TPCN1: variants seen among roughly 807,000 people sequenced by gnomAD.
TPCN1 encodes two pore channel protein 1.
A neutral mutation model predicts 108.8 loss-of-function variants in TPCN1; 52 were observed. That is an observed-to-expected ratio of 0.48 (90% CI 0.38 to 0.60). The LOEUF is 0.60. Among genes scored for constraint, TPCN1 ranks in the 20% least tolerant of loss-of-function variants. The pLI is 0.00. For missense variants in TPCN1, 806 were observed against 1,072.8 expected (o/e 0.75, Z 3.47); for synonymous variants, 446 against 433.7 (o/e 1.03, Z -0.35).
chr12:113,272,618 G>A lies in TPCN1; in HGVS notation c.749-40G>A. 6.2e-7 allele frequency: 1 copy of A among 1,600,994 alleles called. No individual in the cohort carries two copies. On this transcript the variant is annotated intron_variant, in intron 7 of 27. Coordinates refer to ENST00000335509, the MANE Select transcript of TPCN1 (RefSeq NM_017901.6). This position sits in a 1 kb window ranked among gnomAD's most constrained non-coding sequence, Gnocchi z 4.1. ...TTTGACACCAGGTTTTGGGACCTCT[G>A]CTCTAATCCTTTTGTTTATCTGTTT... is the stretch of plus-strand genomic sequence containing the variant.
chr12:113,266,056 C>T lies in TPCN1; in HGVS notation c.238-124C>T. 3 of 1,037,656 alleles carry T rather than the reference C, an allele frequency of 2.9e-6. No individual in the cohort carries two copies. Among genetic ancestry groups the T allele is most frequent in the Non-Finnish European group, 4.3e-6 (3 of 704,298 alleles). The allele number at this position is 1,037,656 out of a possible 1,614,324, so 64.3% of individuals were successfully genotyped here. Reference sequence around the variant, plus strand: ...GATCATTTTGATTTTCCAGCATCTTCTGTCTCTGGCCTGAATCTCTCCTCG... The same window carrying T: ...GATCATTTTGATTTTCCAGCATCTTTTGTCTCTGGCCTGAATCTCTCCTCG... On this transcript the variant is annotated intron_variant, in intron 3 of 27. Coordinates refer to ENST00000335509, the MANE Select transcript of TPCN1 (RefSeq NM_017901.6). This position sits in a 1 kb window ranked among gnomAD's most constrained non-coding sequence, Gnocchi z 4.2.
chr12:113,260,714 C>T (rs1269438927), intron 3 of TPCN1, among the ~76,000 whole-genome samples: 1 of 152,150 alleles, frequency 6.6e-6, no homozygotes, highest in Non-Finnish European at 1.5e-5. Flanking sequence ...AGGGCTGTGC[C>T]AACCCCCACA....
At chr12:113,238,518 C>T (rs1163046415) in intron 2 of TPCN1, among the ~76,000 whole-genome samples, 1 of 152,182 alleles carries the variant, frequency 6.6e-6, no homozygotes, top group African/African-American at 2.4e-5. Flanking sequence ...CAGAGCCATT[C>T]TTGCTATCTC....
chr12:113,296,154 G>A lies in TPCN1; in HGVS notation c.*78G>A. ...ACTGCGATGTACGGAACTGCGGTGT[G>A]TGTACACATACTCACGTATATGCAC... On this transcript the variant is annotated 3_prime_UTR_variant, in exon 28 of 28. Coordinates refer to ENST00000335509, the MANE Select transcript of TPCN1 (RefSeq NM_017901.6). The A allele has an allele frequency of 3.2e-6, 5 of 1,556,866 alleles. 1 individual carries two copies. In the South Asian group the frequency reaches 5.8e-5, roughly 18 times the overall value.
intron 22 of TPCN1, 84 bp downstream of exon 22, chr12:113,290,327 T>A: frequency 1.0e-6 from 1 of 986,264 alleles, no homozygotes; most frequent in Non-Finnish European, 1.5e-6. Context: ...AGAGGTGGTG[T>A]AGCAAGTGTC....
chr12:113,256,178 C>T (rs1954824331), intron 2 of TPCN1, among the ~76,000 whole-genome samples: 1 of 151,890 alleles, frequency 6.6e-6, no homozygotes, highest in African/African-American at 2.4e-5. Flanking sequence ...TCACTATATT[C>T]CCCAGGCTAG....
intron 2 of TPCN1, among the ~76,000 whole-genome samples, chr12:113,234,009 T>C (rs1028707114): frequency 2.0e-5 from 3 of 152,226 alleles, no homozygotes; most frequent in Non-Finnish European, 2.9e-5. Context: ...TTTCTATCTT[T>C]ATCCTTTTTT....
intron 15 of TPCN1, among the ~76,000 whole-genome samples, chr12:113,281,265 C>T (rs1382738842): frequency 6.6e-6 from 1 of 152,080 alleles, no homozygotes; most frequent in Non-Finnish European, 1.5e-5. Context: ...GTCTCGAACT[C>T]CTGACCTCAG....
rs79128968 is a variant in TPCN1 at position 113,243,902 on chromosome 12, G to A, written c.113-16466G>A. 8.5e-5 allele frequency among the ~76,000 whole-genome samples: 13 copies of A among 152,274 alleles called. No homozygotes were observed. The East Asian group carries it at 1.5e-3, about 18-fold the overall frequency. ...ATCTCAGGCTGCAGTCACTGCCCCC[G>A]ATGATTTTGATGTGCTCATTTCCCA... is the stretch of plus-strand genomic sequence containing the variant. On this transcript the variant is annotated intron_variant, in intron 2 of 27. Coordinates refer to ENST00000335509, the MANE Select transcript of TPCN1 (RefSeq NM_017901.6).
rs189695014 is a variant in TPCN1 at position 113,259,802 on chromosome 12, G to T, written c.113-566G>T. ...GGAGTTGGCCAGAGCCAAACAATGT[G>T]GACAGAGAGCAAGGAGGGGATGTTC... is the stretch of plus-strand genomic sequence containing the variant. On this transcript the variant is annotated intron_variant, in intron 2 of 27. Coordinates refer to ENST00000335509, the MANE Select transcript of TPCN1 (RefSeq NM_017901.6). 3.9e-5 allele frequency among the ~76,000 whole-genome samples: 6 copies of T among 152,336 alleles called. No homozygotes were observed. In the East Asian group the frequency reaches 9.6e-4, roughly 24 times the overall value.
At chr12:113,270,511 C>T (rs1264453341) in intron 7 of TPCN1, among the ~76,000 whole-genome samples, 4 of 150,632 alleles carry the variant, frequency 2.7e-5, no homozygotes, top group Non-Finnish European at 3.0e-5. Flanking sequence ...GACGGAGTCT[C>T]ACCCTGTCAC....
In TPCN1 at chr12:113,280,152, T is replaced by C; in HGVS notation, c.1299T>C (p.Gly433=). Residue 433 remains glycine (G), a splice_region_variant and synonymous_variant, in exon 15 of 28, where the codon GGT becomes GGC. Coordinates refer to ENST00000335509, the MANE Select transcript of TPCN1 (RefSeq NM_017901.6). Reference sequence around the variant, plus strand: ...TTAACTTGTCTTTTCTTCAAATAGGTATTAATATCCTTGTGAAGTCCAAGG... The same window carrying C: ...TTAACTTGTCTTTTCTTCAAATAGGCATTAATATCCTTGTGAAGTCCAAGG... The part of the protein sequence containing the change: ...LPRTALLIFK[G]INILVKSKAF... 1 of 1,604,698 alleles carries C rather than the reference T, an allele frequency of 6.2e-7. No homozygotes were observed. Among genetic ancestry groups the C allele is most frequent in the Non-Finnish European group, 8.5e-7 (1 of 1,171,912 alleles).
chr12:113,278,277 A>T, intron 13 of TPCN1, 40 bp downstream of exon 13: 1 of 1,593,420 alleles, frequency 6.3e-7, no homozygotes, highest in Non-Finnish European at 8.6e-7. Context: ...GTAGACAGAG[A>T]GGTCCCCACG....
intron 3 of TPCN1, among the ~76,000 whole-genome samples, chr12:113,264,199 A>G (rs1955156446): frequency 6.6e-6 from 1 of 152,214 alleles, no homozygotes; most frequent in Non-Finnish European, 1.5e-5. Flanking sequence ...ACTGTGTTCA[A>G]CTTACCTTCT....
intron 2 of TPCN1, among the ~76,000 whole-genome samples, chr12:113,258,624 T>C (rs1954907913): frequency 6.6e-6 from 1 of 151,988 alleles, no homozygotes; most frequent in South Asian, 2.1e-4. Flanking sequence ...TCTATAAAAA[T>C]ACAAAAATTA....
At chr12:113,241,853 TCTAA>T (rs1954150192) in intron 2 of TPCN1, among the ~76,000 whole-genome samples, 1 of 151,762 alleles carries the variant, frequency 6.6e-6, no homozygotes, top group African/African-American at 2.4e-5. Context: ...TTTTAAAGCG[TCTAA>T]AACACTTTAC....
At position 113,286,995 on chromosome 12, in the gene TPCN1, T is replaced by G. The variant is rs1956104968; in HGVS notation, c.1535T>G (p.Phe512Cys). The change falls in exon 19 of 28, where the codon TTC (phenylalanine) becomes TGC (cysteine). Residue 512 changes from phenylalanine to cysteine, a missense_variant. Coordinates refer to ENST00000335509, the MANE Select transcript of TPCN1 (RefSeq NM_017901.6). ...CCTCTCCCCTACTGCAGGTTTGACT[T>G]CTCCGTGACAGTGTTCGCCTTCCTG... ...YLSSGWNLFD[F>C]SVTVFAFLGL... 1.2e-6 allele frequency: 2 copies of G among 1,613,570 alleles called. No individual in the cohort carries two copies. Among genetic ancestry groups the G allele is most frequent in the Non-Finnish European group, 1.7e-6 (2 of 1,179,856 alleles).
In TPCN1 at chr12:113,231,814, G is replaced by T. The variant is rs1209861482; in HGVS notation, c.112+4850G>T. ...ATAAAGGAGGCAGGTATGAGCAGAG[G>T]TATTTAAAGCCTGGAAACTAGGAAT... On this transcript the variant is annotated intron_variant, in intron 2 of 27. Coordinates refer to ENST00000335509, the MANE Select transcript of TPCN1 (RefSeq NM_017901.6). The surrounding 1 kb of genome is among the most constrained non-coding windows in gnomAD (Gnocchi z 4.3). Among the ~76,000 whole-genome samples the T allele has an allele frequency of 2.6e-5, 4 of 152,206 alleles. No homozygotes were observed. Among genetic ancestry groups the T allele is most frequent in the Non-Finnish European group, 4.4e-5 (3 of 68,040 alleles).
intron 17 of TPCN1, among the ~76,000 whole-genome samples, chr12:113,285,267 C>T (rs952310576): frequency 2.6e-5 from 4 of 152,240 alleles, no homozygotes; most frequent in African/African-American, 7.2e-5. Context: ...CACTTTTGCA[C>T]ACCTGGTACC....
Sources: gnomAD v4.1 joint callset for allele counts (sites outside exome capture counted in the v4.1 genomes callset) on GRCh38, gnomAD v4.1.1 for gene constraint, Gnocchi (gnomAD v3.1) non-coding constraint, MANE v1.5 for transcripts, NCBI Gene and HGNC (gene_info 2026-07-23, HGNC 2026-07-21) for gene names.